The following RDX variants were observed in gnomAD, a reference collection of about 807,000 sequenced individuals.
RDX encodes the protein radixin, also known as deafness, autosomal recessive 24.
Under a neutral mutation model 83.7 loss-of-function variants are expected in RDX, and 32 were observed. That is an observed-to-expected ratio of 0.38 (90% CI 0.29 to 0.51). The LOEUF (loss-of-function observed/expected upper bound fraction) is 0.51. Among genes scored for constraint, RDX ranks in the 20% least tolerant of loss-of-function variants. RDX has a pLI of 0.87. For missense variants in RDX, 600 were observed against 689.9 expected (o/e 0.87, Z 1.46); for synonymous variants, 229 against 222.7 (o/e 1.03, Z -0.25).
At chr11:110,192,060 A>G (rs924021903) in intron 15 of RDX, among the ~76,000 whole-genome samples, 5 of 152,212 alleles carry the variant, frequency 3.3e-5, no homozygotes. Flanking sequence ...TTGATCCAAG[A>G]AAGAGCCCAA....
At chr11:110,281,569 C>T (rs1380487568) in intron 1 of RDX, among the ~76,000 whole-genome samples, 1 of 152,076 alleles carries the variant, frequency 6.6e-6, no homozygotes, top group Non-Finnish European at 1.5e-5. Flanking sequence ...TCAAGTGATC[C>T]GCCGGCCTTG....
downstream of RDX, among the ~76,000 whole-genome samples, chr11:110,227,718 T>C (rs750288888): frequency 6.6e-6 from 1 of 152,138 alleles, no homozygotes; most frequent in African/African-American, 2.4e-5. Flanking sequence ...TCCTTGAATA[T>C]AGCCAGCTCT....
rs1419991939 is a variant in RDX at position 110,264,101 on chromosome 11, G to A, written c.326C>T (p.Ala109Val). 1 of 1,613,854 alleles carries A rather than the reference G, an allele frequency of 6.2e-7. No homozygotes were observed. The highest frequency in any genetic ancestry group is 8.5e-7 in the Non-Finnish European group (1 of 1,179,870). ...GCAATATATCTCATCATTTAAGATG[G>A]CTTCTTTAACTTGCAAGAAGAAGAG... is the stretch of plus-strand genomic sequence containing the variant. Reference protein sequence around the residue: ...QRLFFLQVKEAILNDEIYCPP... With the variant: ...QRLFFLQVKEVILNDEIYCPP... Residue 109 changes from alanine to valine, a missense_variant, in exon 5 of 14, where the codon GCC (alanine) becomes GTC (valine). Physicochemically the swap from Ala to Val is moderately conservative, Grantham distance 64. Coordinates refer to ENST00000645495, the MANE Select transcript of RDX (RefSeq NM_002906.4).
At chr11:110,262,337 C>A (rs1859839081) in intron 5 of RDX, among the ~76,000 whole-genome samples, 1 of 152,182 alleles carries the variant, frequency 6.6e-6, no homozygotes, top group Admixed American at 6.5e-5. Flanking sequence ...ATAATCCCAG[C>A]ACTTTGGGAG....
intron 15 of RDX, among the ~76,000 whole-genome samples, chr11:110,190,311 A>G (rs148680851): frequency 0.017 from 2,533 of 152,210 alleles, 86 homozygotes; most frequent in African/African-American, 0.056. Context: ...ATTGTGGTGC[A>G]TGCCTGTAAT....
intron 12 of RDX, 83 bp from the exon 13 acceptor site, chr11:110,233,562 G>T (rs1864727013): frequency 8.4e-6 from 12 of 1,424,726 alleles, no homozygotes; most frequent in Non-Finnish European, 1.2e-5. Context: ...CTTTTTAATA[G>T]AAACTGTATT....
At chr11:110,266,281 C>A (rs563788800) in intron 3 of RDX, among the ~76,000 whole-genome samples, 1 of 151,398 alleles carries the variant, frequency 6.6e-6, no homozygotes, top group Admixed American at 6.6e-5. Flanking sequence ...TGCAGTGAGC[C>A]GAGATCGTGC....
chr11:110,220,841 C>A (rs1864219553), intron 14 of RDX, among the ~76,000 whole-genome samples: 1 of 139,652 alleles, frequency 7.2e-6, no homozygotes, highest in East Asian at 2.1e-4. Context: ...ATCTAATGTG[C>A]TGTGAACTGA....
intron 1 of RDX, among the ~76,000 whole-genome samples, chr11:110,295,654 A>C (rs1362760726): frequency 7.2e-6 from 1 of 139,770 alleles, no homozygotes; most frequent in African/African-American, 3.0e-5. Flanking sequence ...AAAAAAAAAA[A>C]AAACAAAAAT....
chr11:110,222,465 T>TG (rs1864282139), intron 14 of RDX, among the ~76,000 whole-genome samples: 1 of 152,176 alleles, frequency 6.6e-6, no homozygotes, highest in Admixed American at 6.5e-5. Context: ...TTTTACAAAA[T>TG]GGAAGTATTA....
chr11:110,188,354 C>T (rs1022012360), intron 15 of RDX, among the ~76,000 whole-genome samples: 1 of 148,978 alleles, frequency 6.7e-6, no homozygotes, highest in African/African-American at 2.5e-5. Flanking sequence ...TAATGGCATT[C>T]GCAGCAACCT....
intron 10 of RDX, 85 bp downstream of exon 10, chr11:110,247,618 G>A: frequency 7.4e-7 from 1 of 1,358,904 alleles, no homozygotes; most frequent in South Asian, 1.3e-5. Flanking sequence ...TAACAAATAA[G>A]GTTTAAGAGT....
chr11:110,186,443 C>T (rs768690583), intron 15 of RDX, among the ~76,000 whole-genome samples: 3 of 151,468 alleles, frequency 2.0e-5, no homozygotes, highest in Non-Finnish European at 2.9e-5. Flanking sequence ...TTTTTTTCCC[C>T]GCAAGATGGT....
At chr11:110,266,727 C>T (rs956639757) in intron 3 of RDX, among the ~76,000 whole-genome samples, 3 of 152,032 alleles carry the variant, frequency 2.0e-5, no homozygotes, top group African/African-American at 7.2e-5. Context: ...TCCACCACAC[C>T]TAGTTAATGT....
At chr11:110,215,538 A>G (rs1218125224) in intron 14 of RDX, among the ~76,000 whole-genome samples, 1 of 152,160 alleles carries the variant, frequency 6.6e-6, no homozygotes, top group African/African-American at 2.4e-5. Context: ...TTACAAGCCC[A>G]CATGCAGTGG....
In RDX at chr11:110,236,116, T is replaced by C. The variant is rs1165246963; in HGVS notation, c.1327A>G (p.Thr443Ala). 1.9e-6 allele frequency: 3 copies of C among 1,611,266 alleles called. No homozygotes were observed. The highest frequency in any genetic ancestry group is 2.2e-5 in the East Asian group (1 of 44,844). Residue 443 changes from threonine to alanine, a missense_variant, in exon 12 of 14, where the codon ACT becomes GCT. Transcript: ENST00000645495. ...EAKKKKEEEATEWQHKAFAAQ... is the reference protein window; with the variant it reads ...EAKKKKEEEAAEWQHKAFAAQ... Reference sequence around the variant, plus strand: ...ATGATTACTTTGTGTTGCCACTCAGTAGCTTCCTCTTCCTTTTTCTTCTTG... The same window carrying C: ...ATGATTACTTTGTGTTGCCACTCAGCAGCTTCCTCTTCCTTTTTCTTCTTG...
chr11:110,177,773 C>G (rs535188738), intron 15 of RDX, among the ~76,000 whole-genome samples: 1 of 151,968 alleles, frequency 6.6e-6, no homozygotes, highest in Non-Finnish European at 1.5e-5. Flanking sequence ...CATGAGACAC[C>G]GCATCCGGCC....
At chr11:110,242,820 C>A (rs1484226631) in intron 10 of RDX, among the ~76,000 whole-genome samples, 4 of 151,596 alleles carry the variant, frequency 2.6e-5, no homozygotes, top group African/African-American at 9.7e-5. Context: ...TGAGTTAATA[C>A]AGGAGTTAGC....
rs17110988 is a variant in RDX, at chr11:110,247,639, A to C, written c.1090+64T>G. 0.41 allele frequency: 636,130 copies of C among 1,544,814 alleles called. 133,541 individuals carry two copies. Among genetic ancestry groups the C allele is most frequent in the East Asian group, 0.6 (26,484 of 44,350 alleles). On this transcript the variant is annotated intron_variant, in intron 10 of 13. Coordinates refer to ENST00000645495, the MANE Select transcript of RDX (RefSeq NM_002906.4). ...ATAAGGTTTAAGAGTACTAAAAAAA[A>C]TACCACTATCTGACAACAGAGCAAT...
Sources: gnomAD v4.1 joint callset for allele counts (sites outside exome capture counted in the v4.1 genomes callset) on GRCh38, gnomAD v4.1.1 for gene constraint, MANE v1.5 for transcripts, NCBI Gene and HGNC (gene_info 2026-07-23, HGNC 2026-07-21) for gene names.